Variants in MACROD2 observed in about 807,000 individuals in gnomAD.
The protein encoded by MACROD2 is ADP-ribose glycohydrolase MACROD2.
In MACROD2, 36 loss-of-function variants were observed where a neutral mutation model predicts 70.4. The observed-to-expected ratio is 0.51, with a 90% CI of 0.39 to 0.68. The LOEUF is 0.68. MACROD2 is among the 30% of genes least tolerant of loss of function. The pLI is 0.00. For synonymous variants in MACROD2, 172 were observed against 178.8 expected, an observed-to-expected ratio of 0.96 and a Z score of 0.30; for missense variants, 496 against 538.4, an observed-to-expected ratio of 0.92 and a Z score of 0.78.
intron 13 of MACROD2, chr20:15,985,672 C>T (rs1251358374): frequency 6.6e-6 from 1 of 152,382 alleles, no homozygotes; most frequent in African/African-American, 2.4e-5. Flanking sequence ...GCCGGAGTCC[C>T]CCGCAGGATG....
At chr20:14,705,122 C>CA (rs1373943825) in intron 5 of MACROD2, among the ~76,000 whole-genome samples, 12 of 150,702 alleles carry the variant, frequency 8.0e-5, no homozygotes, top group South Asian at 4.2e-4. Flanking sequence ...ACTTACATAG[C>CA]AAAAAAAAAT....
chr20:14,638,824 C>G (rs2123486324), intron 4 of MACROD2, among the ~76,000 whole-genome samples: 1 of 152,044 alleles, frequency 6.6e-6, no homozygotes, highest in South Asian at 2.1e-4. Context: ...GTGGCATGTG[C>G]CTGTAGTCCT....
intron 3 of MACROD2, among the ~76,000 whole-genome samples, chr20:14,265,116 TGTCTC>T (rs2082133262): frequency 6.6e-6 from 1 of 152,244 alleles, no homozygotes. Context: ...AAGTAGTTCT[TGTCTC>T]TTCATTCCAG....
chr20:14,664,331 T>A (rs755880939), intron 4 of MACROD2, among the ~76,000 whole-genome samples: 1 of 152,114 alleles, frequency 6.6e-6, no homozygotes, highest in African/African-American at 2.4e-5. Context: ...TAAGCCCTTA[T>A]GTGCTTCGAG....
At chr20:14,037,728 G>T (rs967635072) in intron 2 of MACROD2, among the ~76,000 whole-genome samples, 28 of 152,242 alleles carry the variant, frequency 1.8e-4, no homozygotes, top group African/African-American at 6.5e-4. Context: ...TTAAGACATT[G>T]TTCCTTGCTG....
At chr20:14,864,315 CT>C (rs1163916149) in intron 5 of MACROD2, among the ~76,000 whole-genome samples, 2 of 152,206 alleles carry the variant, frequency 1.3e-5, no homozygotes, top group African/African-American at 2.4e-5. Flanking sequence ...CAAATAATAT[CT>C]GTTTGTGTAT....
intron 5 of MACROD2, among the ~76,000 whole-genome samples, chr20:14,978,889 ATATAT>A (rs1568909329): frequency 1.4e-4 from 5 of 36,640 alleles, no homozygotes; most frequent in East Asian, 0.011. Flanking sequence ...TATAAAATAT[ATATAT>A]TATATAATAT....
intron 5 of MACROD2, among the ~76,000 whole-genome samples, chr20:15,163,264 G>A (rs62202855): frequency 6.6e-6 from 1 of 151,450 alleles, no homozygotes; most frequent in East Asian, 1.9e-4. Flanking sequence ...TAATTTCCCT[G>A]GTTAAAATAC....
chr20:14,602,300 A>G (rs1326849537), intron 4 of MACROD2, among the ~76,000 whole-genome samples: 1 of 152,232 alleles, frequency 6.6e-6, no homozygotes, highest in African/African-American at 2.4e-5. Context: ...CTGTTTGCAC[A>G]TGCAGGCCCT....
At chr20:15,079,247 A>AT (rs1367177572) in intron 5 of MACROD2, among the ~76,000 whole-genome samples, 4 of 151,364 alleles carry the variant, frequency 2.6e-5, no homozygotes, top group South Asian at 2.1e-4. Context: ...GAATTTTAGC[A>AT]TTTTTTCCCC....
At chr20:15,758,443 T>C (rs544522908) in intron 8 of MACROD2, among the ~76,000 whole-genome samples, 1 of 151,908 alleles carries the variant, frequency 6.6e-6, no homozygotes, top group East Asian at 1.9e-4. Flanking sequence ...TTTCACCATG[T>C]TGGCCAAGCT....
intron 3 of MACROD2, among the ~76,000 whole-genome samples, chr20:14,128,932 A>G (rs1245371836): frequency 6.6e-6 from 1 of 152,216 alleles, no homozygotes; most frequent in African/African-American, 2.4e-5. Flanking sequence ...ATTCCTTTCA[A>G]AATATTACTT....
At chr20:15,026,195 C>T (rs913065245) in intron 5 of MACROD2, among the ~76,000 whole-genome samples, 1 of 152,074 alleles carries the variant, frequency 6.6e-6, no homozygotes, top group South Asian at 2.1e-4. Flanking sequence ...TATTAAAGGT[C>T]CTTGAGTATC....
At chr20:14,106,844 A>G (rs1232527467) in intron 3 of MACROD2, among the ~76,000 whole-genome samples, 1 of 152,208 alleles carries the variant, frequency 6.6e-6, no homozygotes, top group African/African-American at 2.4e-5. Context: ...TGGTACCTTT[A>G]TGAGTCTGCA....
intron 3 of MACROD2, among the ~76,000 whole-genome samples, chr20:14,436,585 A>G (rs554081009): frequency 6.6e-6 from 1 of 152,278 alleles, no homozygotes; most frequent in African/African-American, 2.4e-5. Context: ...CTCTAATAGG[A>G]GAGGCCGTAT....
intron 4 of MACROD2, among the ~76,000 whole-genome samples, chr20:14,525,864 C>T (rs2085225127): frequency 6.6e-6 from 1 of 152,164 alleles, no homozygotes; most frequent in South Asian, 2.1e-4. Flanking sequence ...TGTTCTCTCC[C>T]TTCTGCTGGT....
intron 2 of MACROD2, among the ~76,000 whole-genome samples, chr20:14,024,062 C>G (rs890432515): frequency 6.6e-6 from 1 of 152,066 alleles, no homozygotes; most frequent in Non-Finnish European, 1.5e-5. Context: ...TGTTTGTGTC[C>G]TCTCTTATTT....
intron 3 of MACROD2, among the ~76,000 whole-genome samples, chr20:14,363,345 C>T (rs192682537): frequency 6.6e-6 from 1 of 152,024 alleles, no homozygotes; most frequent in Non-Finnish European, 1.5e-5. Context: ...GATAGCTTGC[C>T]CCACTGAGAA....
intron 5 of MACROD2, among the ~76,000 whole-genome samples, chr20:14,994,580 T>A (rs755800250): frequency 6.6e-6 from 1 of 151,452 alleles, no homozygotes; most frequent in African/African-American, 2.4e-5. Flanking sequence ...CAAAGTGAGA[T>A]CCCATCCCCA....
Sources: gnomAD v4.1 joint callset for allele counts (sites outside exome capture counted in the v4.1 genomes callset) on GRCh38, gnomAD v4.1.1 for gene constraint, MANE v1.5 for transcripts, NCBI Gene and HGNC (gene_info 2026-07-23, HGNC 2026-07-21) for gene names.